Variants in SCMH1 observed in about 807,000 individuals in gnomAD.
The protein encoded by SCMH1 is polycomb protein SCMH1.
A neutral mutation model predicts 70.8 loss-of-function variants in SCMH1; 37 were observed. The observed-to-expected ratio is 0.52, with a 90% CI of 0.40 to 0.69. The LOEUF (loss-of-function observed/expected upper bound fraction) is 0.69, where lower values mean the gene tolerates loss of function less well. Among genes scored for constraint, SCMH1 ranks in the 30% least tolerant of loss-of-function variants. SCMH1 has a pLI of 0.00. For synonymous variants in SCMH1, 292 were observed against 307.4 expected (o/e 0.95, Z 0.52); for missense variants, 607 against 827.3 (o/e 0.73, Z 3.27).
intron 7 of SCMH1, among the ~76,000 whole-genome samples, chr1:41,115,833 C>T (rs1348726748): frequency 6.6e-6 from 1 of 152,108 alleles, no homozygotes; most frequent in South Asian, 2.1e-4. Context: ...ATCATTCCCA[C>T]CCTCTGTAGA....
chr1:41,182,940 G>T (rs1649221312), intron 2 of SCMH1, among the ~76,000 whole-genome samples: 1 of 152,164 alleles, frequency 6.6e-6, no homozygotes, highest in Non-Finnish European at 1.5e-5. Context: ...GCATCTGATA[G>T]AATTCTACAC....
intron 2 of SCMH1, among the ~76,000 whole-genome samples, chr1:41,175,550 G>T (rs74069077): frequency 0.013 from 1,963 of 152,134 alleles, 42 homozygotes; most frequent in African/African-American, 0.045. Context: ...TTCTGTTTTG[G>T]GGGAGAACCC....
At chr1:41,029,093 G>C (rs1424195186) in intron 13 of SCMH1, among the ~76,000 whole-genome samples, 1 of 152,112 alleles carries the variant, frequency 6.6e-6, no homozygotes, top group Non-Finnish European at 1.5e-5. Flanking sequence ...AGAGAGACTG[G>C]TAGCCTGGTA....
At chr1:41,071,249 G>A (rs1169274179) in intron 9 of SCMH1, among the ~76,000 whole-genome samples, 1 of 106,720 alleles carries the variant, frequency 9.4e-6, no homozygotes, top group Non-Finnish European at 1.8e-5. Context: ...CTTTTACCTG[G>A]TCCACACCTT....
chr1:41,217,630 A>ACTGACAAGGTTTTT (rs1553181636), intron 1 of SCMH1, among the ~76,000 whole-genome samples: 3 of 152,188 alleles, frequency 2.0e-5, no homozygotes, highest in Non-Finnish European at 2.9e-5. Flanking sequence ...TGCACAGGAG[A>ACTGACAAGGTTTTT]CTGACAAGGT....
At chr1:41,121,741 C>T (rs899389771) in intron 6 of SCMH1, among the ~76,000 whole-genome samples, 5 of 152,098 alleles carry the variant, frequency 3.3e-5, no homozygotes, top group Non-Finnish European at 5.9e-5. Context: ...TCTAAGAAAA[C>T]GTAAAATGAA....
chr1:41,221,632 A>G (rs528499950), intron 1 of SCMH1, among the ~76,000 whole-genome samples: 1 of 151,886 alleles, frequency 6.6e-6, no homozygotes, highest in East Asian at 1.9e-4. Context: ...TCATGCCTAT[A>G]ATCCCAGCAC....
chr1:41,237,332 A>G (rs1001939227), intron 1 of SCMH1, among the ~76,000 whole-genome samples: 2 of 152,206 alleles, frequency 1.3e-5, no homozygotes, highest in African/African-American at 2.4e-5. Flanking sequence ...ATTAACCTAC[A>G]ACTACAAAAC....
intron 5 of SCMH1, among the ~76,000 whole-genome samples, chr1:41,145,388 T>A (rs1644462020): frequency 6.6e-6 from 1 of 152,148 alleles, no homozygotes; most frequent in Non-Finnish European, 1.5e-5. Context: ...ATGGGTCAAT[T>A]TCTGTACTCT....
chr1:41,200,616 A>C (rs2148720602), intron 1 of SCMH1, among the ~76,000 whole-genome samples: 1 of 151,756 alleles, frequency 6.6e-6, no homozygotes, highest in East Asian at 1.9e-4. Flanking sequence ...CGCACACATA[A>C]ACATACTAAA....
At chr1:41,231,480 T>C (rs984800814) in intron 1 of SCMH1, among the ~76,000 whole-genome samples, 2 of 152,228 alleles carry the variant, frequency 1.3e-5, no homozygotes, top group Non-Finnish European at 2.9e-5. Flanking sequence ...TTTCCCCTAC[T>C]ACTAACATTT....
chr1:41,239,000 T>C (rs528201168), intron 1 of SCMH1, among the ~76,000 whole-genome samples: 2 of 152,294 alleles, frequency 1.3e-5, no homozygotes, highest in South Asian at 4.1e-4. Context: ...CAATCAATCA[T>C]TAAAGCCTTA....
chr1:41,121,140 T>C (rs539116053), intron 6 of SCMH1, among the ~76,000 whole-genome samples: 4 of 152,268 alleles, frequency 2.6e-5, no homozygotes, highest in African/African-American at 9.6e-5. Context: ...TAAGAATCAA[T>C]GGGTTGTTCT....
chr1:41,049,004 T>C, intron 10 of SCMH1, 114 bp from the exon 11 acceptor site: 1 of 953,066 alleles, frequency 1.0e-6, no homozygotes, highest in African/African-American at 1.7e-5. Flanking sequence ...ACAGAATTCC[T>C]AGCAGCTGAG....
At chr1:41,142,700 T>C (rs1001848973) in intron 6 of SCMH1, among the ~76,000 whole-genome samples, 178 bp downstream of exon 6, 2 of 152,180 alleles carry the variant, frequency 1.3e-5, no homozygotes, top group Admixed American at 1.3e-4. Context: ...TAAGCTAATG[T>C]AGAGATGGAG....
intron 3 of SCMH1, 46 bp from the exon 4 acceptor site, chr1:41,160,944 T>C (rs557535759): frequency 6.6e-7 from 1 of 1,521,712 alleles, no homozygotes; most frequent in African/African-American, 1.4e-5. Flanking sequence ...AAGACAAACA[T>C]ACCAACATGA....
chr1:41,076,654 G>GAA (rs1658370149), intron 8 of SCMH1, among the ~76,000 whole-genome samples: 1 of 152,194 alleles, frequency 6.6e-6, no homozygotes, highest in Non-Finnish European at 1.5e-5. Context: ...CATTTACACA[G>GAA]AGCTCCCGAA....
At chr1:41,072,400 A>G (rs1254951005) in intron 9 of SCMH1, among the ~76,000 whole-genome samples, 1 of 152,236 alleles carries the variant, frequency 6.6e-6, no homozygotes, top group East Asian at 1.9e-4. Flanking sequence ...TATTATATGT[A>G]TTCATACATT....
At chr1:41,028,149 G>T (rs1290345915) in exon 15 of SCMH1, 2 of 1,611,724 alleles carry the variant, frequency 1.2e-6, no homozygotes, top group African/African-American at 1.3e-5. Flanking sequence ...CTAGAAGAAT[G>T]CCCCCACCTG....
Sources: gnomAD v4.1 joint callset for allele counts (sites outside exome capture counted in the v4.1 genomes callset) on GRCh38, gnomAD v4.1.1 for gene constraint, MANE v1.5 for transcripts, NCBI Gene and HGNC (gene_info 2026-07-23, HGNC 2026-07-21) for gene names.